The following MLX variants were observed in gnomAD, a reference collection of about 807,000 sequenced individuals.
MLX encodes the protein MAX dimerization protein MLX.
MLX carries 15 observed loss-of-function variants against 33.0 expected under a neutral mutation model. That is an observed-to-expected ratio of 0.45 (90% CI 0.30 to 0.70). The LOEUF is 0.70. Ranked by LOEUF, MLX falls within the 30% of genes least tolerant of loss-of-function variation. The pLI is 0.07. For synonymous variants in MLX, 115 were observed against 115.6 expected, an observed-to-expected ratio of 0.99 and a Z score of 0.03; for missense variants, 285 against 306.3, an observed-to-expected ratio of 0.93 and a Z score of 0.52.
At chr17:42,571,401 A>G (rs1057263542) in intron 7 of MLX, 146 bp from the exon 8 acceptor site, 1 of 807,598 alleles carries the variant, frequency 1.2e-6, no homozygotes, top group Non-Finnish European at 2.1e-6. Context: ...TGCTGGGATT[A>G]TAGGCGTGAG....
At chr17:42,570,315 C>T in intron 7 of MLX, 132 bp downstream of exon 7, 1 of 798,638 alleles carries the variant, frequency 1.3e-6, no homozygotes, top group South Asian at 1.8e-5. Context: ...GCTTTGAGGG[C>T]CCTGGTATTT....
intron 3 of MLX, 101 bp from the exon 4 acceptor site, chr17:42,568,736 C>A: frequency 8.7e-7 from 1 of 1,155,566 alleles, no homozygotes; most frequent in Non-Finnish European, 1.3e-6. Flanking sequence ...GTCCATCTGC[C>A]TTCTCTGGAC....
chr17:42,569,079 TC>T, intron 4 of MLX, 124 bp from the exon 5 acceptor site: 1 of 1,261,320 alleles, frequency 7.9e-7, no homozygotes, highest in Non-Finnish European at 1.2e-6. Context: ...CACAAACACC[TC>T]CCTTGCAGCC....
chr17:42,568,755 C>G, intron 3 of MLX, 82 bp from the exon 4 acceptor site: 1 of 1,288,686 alleles, frequency 7.8e-7, no homozygotes, highest in Non-Finnish European at 1.1e-6. Context: ...ACACCAGGTT[C>G]TTCCCAGCTG....
chr17:42,568,005 G>A, intron 2 of MLX: 1 of 331,738 alleles, frequency 3.0e-6, no homozygotes, highest in East Asian at 5.7e-5. Flanking sequence ...GCGTGGTCTG[G>A]CAGGAAGTGG....
Position 42,567,181 on chromosome 17 carries a change from C to A in MLX, c.42+15C>A. The A allele has an allele frequency of 7.7e-7, 1 of 1,292,116 alleles. No homozygotes were observed. The highest frequency in any genetic ancestry group is 9.8e-7 in the Non-Finnish European group (1 of 1,018,486). The allele number at this position is 1,292,116 out of a possible 1,614,324, so 80.0% of individuals were successfully genotyped here. ...CTTGGGTCAAGGCAAGCCCCGTGGGCGCGCACGCCGGCGAGGGGAGGGCGG... is the reference window on the plus strand; with the variant it reads ...CTTGGGTCAAGGCAAGCCCCGTGGGAGCGCACGCCGGCGAGGGGAGGGCGG... On this transcript the variant is annotated intron_variant, in intron 1 of 7. Transcript: ENST00000435881.
chr17:42,569,382 C>G lies in MLX; in HGVS notation c.376+79C>G. The G allele has an allele frequency of 7.8e-6, 12 of 1,532,390 alleles. No individual in the cohort carries two copies. The South Asian group carries it at 1.3e-4, about 17-fold the overall frequency. The allele number at this position is 1,532,390 out of a possible 1,614,324, so 94.9% of individuals were successfully genotyped here. A position where few individuals can be genotyped will look rare whatever the true frequency, so the allele number is the denominator to read the frequency against. On this transcript the variant is annotated intron_variant, in intron 5 of 7. Transcript: ENST00000435881. ...GCCAGTGCCTCCTACCCACCCATGGCTCGGCCTTGGTGTGGTGATTGCCAT... is the reference window on the plus strand; with the variant it reads ...GCCAGTGCCTCCTACCCACCCATGGGTCGGCCTTGGTGTGGTGATTGCCAT...
intron 2 of MLX, 41 bp from the exon 3 acceptor site, chr17:42,568,429 C>T (rs767026417): frequency 1.4e-6 from 2 of 1,459,072 alleles, no homozygotes; most frequent in Non-Finnish European, 1.9e-6. Context: ...TGGCAATGTT[C>T]CCCACCCCAC....
At chr17:42,568,584 C>G (rs374836928) in intron 3 of MLX, 25 bp downstream of exon 3, 5 of 1,574,656 alleles carry the variant, frequency 3.2e-6, no homozygotes, top group African/African-American at 1.3e-5. Context: ...CCCCCCCGAC[C>G]TCGGGGGGCT....
At position 42,571,568 on chromosome 17, in the gene MLX, G is replaced by A. The variant is rs767588014; in HGVS notation, c.700G>A (p.Gly234Ser). The A allele has an allele frequency of 6.2e-7, 1 of 1,614,042 alleles. No individual in the cohort carries two copies. Among genetic ancestry groups the A allele is most frequent in the African/African-American group, 1.3e-5 (1 of 74,928 alleles). ...CCAGACCCTGCGGGAGATTGTGATTGGCGTCCTGCACCAATTGAAAAACCA... is the reference window on the plus strand; with the variant it reads ...CCAGACCCTGCGGGAGATTGTGATTAGCGTCCTGCACCAATTGAAAAACCA... ...KPQTLREIVI[G>S]VLHQLKNQLY The change falls in exon 8 of 8, where the codon GGC (glycine) becomes AGC (serine). Residue 234 changes from glycine to serine, a missense_variant. Physicochemically the swap from Gly to Ser is moderately conservative, Grantham distance 56. Coordinates refer to ENST00000435881, the MANE Select transcript of MLX (RefSeq NM_198204.2).
Position 42,567,673 on chromosome 17 carries a change from C to G in MLX, c.79+18C>G, listed in dbSNP as rs771205497. On this transcript the variant is annotated intron_variant, in intron 2 of 7. Coordinates refer to ENST00000435881, the MANE Select transcript of MLX (RefSeq NM_198204.2). ...GGACCCCGGTGAGTAGCTGCCCCAT[C>G]TTAAGCTCTAGAGGGACACTCCCGC... The G allele has an allele frequency of 1.9e-6, 3 of 1,614,148 alleles. No homozygotes were observed. In the South Asian group the frequency reaches 3.3e-5, roughly 18 times the overall value.
intron 1 of MLX, 171 bp from the exon 2 acceptor site, chr17:42,567,448 C>A: frequency 1.4e-6 from 2 of 1,386,520 alleles, no homozygotes; most frequent in Non-Finnish European, 1.9e-6. Context: ...GTGCCAGTCT[C>A]GGGGGACTCA....
intron 7 of MLX, among the ~76,000 whole-genome samples, chr17:42,571,015 C>T (rs887763158): frequency 6.6e-6 from 1 of 152,088 alleles, no homozygotes; most frequent in East Asian, 1.9e-4. Flanking sequence ...GAGAGGAGTT[C>T]ACAGTGAACA....
At chr17:42,568,801 A>T (rs755529062) in intron 3 of MLX, 36 bp from the exon 4 acceptor site, 1 of 1,555,136 alleles carries the variant, frequency 6.4e-7, no homozygotes, top group Non-Finnish European at 8.8e-7. Flanking sequence ...ACTGGGCCCC[A>T]AGATGACCTT....
chr17:42,569,694 T>A, intron 6 of MLX, 88 bp downstream of exon 6: 1 of 1,020,612 alleles, frequency 9.8e-7, no homozygotes, highest in Admixed American at 1.9e-5. Flanking sequence ...CATCAGTTAC[T>A]GCTGTACAGA....
rs2093047473 is a variant in MLX at position 42,573,185 on chromosome 17, A to G, written c.*1582A>G. The G allele has an allele frequency of 6.2e-7, 1 of 1,613,848 alleles. No homozygotes were observed. The highest frequency in any genetic ancestry group is 1.1e-5 in the South Asian group (1 of 91,068). On this transcript the variant is annotated 3_prime_UTR_variant, in exon 8 of 8. Coordinates refer to ENST00000435881, the MANE Select transcript of MLX (RefSeq NM_198204.2). Reference sequence around the variant, plus strand: ...CTGTAGCCTGACAAGAAATAAAACCACCCGTTTTCAGATGGGCAGCACTGG... The same window carrying G: ...CTGTAGCCTGACAAGAAATAAAACCGCCCGTTTTCAGATGGGCAGCACTGG...
Position 42,572,971 on chromosome 17 carries a change from G to C in MLX, c.*1368G>C. 6.2e-7 allele frequency: 1 copy of C among 1,614,120 alleles called. No individual in the cohort carries two copies. The highest frequency in any genetic ancestry group is 8.5e-7 in the Non-Finnish European group (1 of 1,179,986). On this transcript the variant is annotated 3_prime_UTR_variant, in exon 8 of 8. Transcript: ENST00000435881. ...ACCAGTCCTGACCGTGGGCCCCTCA[G>C]GGGTCTGGGAGTGTGACGTTGTAAT...
chr17:42,570,150 C>T lies in MLX; in HGVS notation c.645C>T (p.Val215=). Residue 215 remains valine (V), a synonymous_variant, in exon 7 of 8, where the codon GTC becomes GTT. Transcript: ENST00000435881. ...VASFQELSAC[V]FSWIEEHCKP... ...GCTTCCAGGAGCTGTCAGCGTGTGT[C>T]TTCAGCTGGATCGAGGAGCACTGTA... 6.2e-7 allele frequency: 1 copy of T among 1,614,052 alleles called. No individual in the cohort carries two copies. Among genetic ancestry groups the T allele is most frequent in the South Asian group, 1.1e-5 (1 of 91,076 alleles).
At chr17:42,568,319 C>G (rs2093017115) in intron 2 of MLX, 151 bp from the exon 3 acceptor site, 1 of 438,796 alleles carries the variant, frequency 2.3e-6, no homozygotes, top group East Asian at 4.7e-5. Flanking sequence ...GCCGAGATCG[C>G]GCCACTGCAC....
Sources: gnomAD v4.1 joint callset for allele counts (sites outside exome capture counted in the v4.1 genomes callset) on GRCh38, gnomAD v4.1.1 for gene constraint, MANE v1.5 for transcripts, NCBI Gene and HGNC (gene_info 2026-07-23, HGNC 2026-07-21) for gene names.